PAM: variants seen among roughly 807,000 people sequenced by gnomAD.
PAM encodes the protein peptidyl-glycine alpha-amidating monooxygenase.
Under a neutral mutation model 122.1 loss-of-function variants are expected in PAM, and 72 were observed. The ratio of observed to expected loss-of-function variants is 0.59; its 90% CI spans 0.49 to 0.72. The LOEUF is 0.72. Ranked by LOEUF, PAM falls within the 30% of genes least tolerant of loss-of-function variation. The pLI is 0.00. For missense variants in PAM, 1,106 were observed against 1,183.7 expected (o/e 0.93, Z 0.96); for synonymous variants, 389 against 404.4 (o/e 0.96, Z 0.46).
At chr5:102,895,413 A>T (rs1429902279) in intron 3 of PAM, among the ~76,000 whole-genome samples, 1 of 151,798 alleles carries the variant, frequency 6.6e-6, no homozygotes, top group Admixed American at 6.6e-5. Context: ...AATGTAGAAC[A>T]GTGTCTGGTT....
At chr5:103,017,498 A>G in intron 22 of PAM, 65 bp downstream of exon 22, 1 of 957,874 alleles carries the variant, frequency 1.0e-6, no homozygotes, top group South Asian at 1.4e-5. Flanking sequence ...AGCATATGAA[A>G]CAAAAACATT....
At chr5:102,799,075 A>T (rs1330766619) in intron 1 of PAM, among the ~76,000 whole-genome samples, 2 of 152,220 alleles carry the variant, frequency 1.3e-5, no homozygotes, top group African/African-American at 4.8e-5. Context: ...TAGGTAAGAA[A>T]CCATCAACTG....
chr5:103,023,404 CTG>C (rs952543939), intron 23 of PAM, among the ~76,000 whole-genome samples: 1 of 151,358 alleles, frequency 6.6e-6, no homozygotes, highest in Non-Finnish European at 1.5e-5. Flanking sequence ...CATCTTTGGC[CTG>C]TGTTTTTTAC....
In PAM at chr5:102,942,657, A is replaced by G. The variant is rs545286812; in HGVS notation, c.527-4180A>G. ...AAGTGCCGTGGTGTGATCATGGCTT[A>G]CTGCAGCCTCGACCTCCCAGGCACA... On this transcript the variant is annotated intron_variant, in intron 7 of 25. Transcript: ENST00000438793. 3.3e-5 allele frequency among the ~76,000 whole-genome samples: 5 copies of G among 150,720 alleles called. No individual in the cohort carries two copies. The South Asian group carries it at 1.0e-3, about 32-fold the overall frequency.
chr5:103,027,776 A>G, intron 24 of PAM, among the ~76,000 whole-genome samples: 1 of 152,326 alleles, frequency 6.6e-6, no homozygotes, highest in Non-Finnish European at 1.5e-5. Context: ...AATTTTATAA[A>G]TTATTAATAA....
chr5:102,998,439 G>GT (rs1454350328), intron 16 of PAM, among the ~76,000 whole-genome samples: 1 of 152,184 alleles, frequency 6.6e-6, no homozygotes, highest in East Asian at 1.9e-4. Context: ...ATTATTAGCT[G>GT]TCAGTGGTGA....
intron 15 of PAM, among the ~76,000 whole-genome samples, chr5:102,978,187 C>G (rs1318415274): frequency 6.6e-6 from 1 of 152,018 alleles, no homozygotes; most frequent in African/African-American, 2.4e-5. Flanking sequence ...ATTTGGCACT[C>G]TAAGTTGATA....
chr5:102,814,848 A>C (rs543472883), intron 1 of PAM, among the ~76,000 whole-genome samples: 1 of 151,910 alleles, frequency 6.6e-6, no homozygotes, highest in East Asian at 1.9e-4. Flanking sequence ...AACCCCCATC[A>C]CACTTGCCTG....
Position 102,926,072 on chromosome 5 carries a change from G to A in PAM, c.443-513G>A, listed in dbSNP as rs563284932. On this transcript the variant is annotated intron_variant, in intron 6 of 25. Transcript: ENST00000438793. ...ATATGAATATATACAAAACAAAATG[G>A]GAGAATGGGTTTATGTATGTCTTTT... Among the ~76,000 whole-genome samples the A allele has an allele frequency of 3.2e-4, 49 of 152,040 alleles. No individual in the cohort carries two copies. In the South Asian group the frequency reaches 0.01, roughly 32 times the overall value.
chr5:102,920,314 C>G (rs572931437), intron 5 of PAM, among the ~76,000 whole-genome samples: 2 of 152,106 alleles, frequency 1.3e-5, no homozygotes, highest in South Asian at 4.2e-4. Context: ...TAATCATTCA[C>G]TATGTGCCAA....
chr5:102,880,015 T>G (rs1463222152), intron 3 of PAM, among the ~76,000 whole-genome samples: 1 of 152,204 alleles, frequency 6.6e-6, no homozygotes, highest in African/African-American at 2.4e-5. Flanking sequence ...GTGCCGTGGC[T>G]CACGTCTGTA....
intron 16 of PAM, among the ~76,000 whole-genome samples, chr5:102,996,812 A>G (rs923461327): frequency 3.9e-5 from 6 of 152,198 alleles, no homozygotes; most frequent in Non-Finnish European, 8.8e-5. Flanking sequence ...ATTCTTCCTA[A>G]GAATTCTGGG....
intron 2 of PAM, chr5:102,866,751 T>C (rs1785704958): frequency 6.5e-6 from 1 of 153,952 alleles, no homozygotes; most frequent in African/African-American, 2.4e-5. Flanking sequence ...TCGCAGTCTT[T>C]TATTTCTTCC....
At chr5:102,890,381 A>G (rs1256666119) in intron 3 of PAM, among the ~76,000 whole-genome samples, 2 of 152,046 alleles carry the variant, frequency 1.3e-5, no homozygotes, top group Non-Finnish European at 2.9e-5. Flanking sequence ...ATAAATGATC[A>G]TCATTGCCGT....
At chr5:102,975,654 T>C (rs150906851) in intron 15 of PAM, among the ~76,000 whole-genome samples, 1 of 152,330 alleles carries the variant, frequency 6.6e-6, no homozygotes, top group African/African-American at 2.4e-5. Context: ...GTATGATGCC[T>C]AGAAATTTGC....
At chr5:102,980,913 T>G (rs1562120488) in intron 15 of PAM, among the ~76,000 whole-genome samples, 1 of 152,204 alleles carries the variant, frequency 6.6e-6, no homozygotes, top group Non-Finnish European at 1.5e-5. Context: ...AGAACCAGGT[T>G]GCTCATGGTG....
At chr5:102,947,744 GA>G (rs1757495745) in intron 8 of PAM, among the ~76,000 whole-genome samples, 2 of 152,216 alleles carry the variant, frequency 1.3e-5, no homozygotes, top group Admixed American at 1.3e-4. Flanking sequence ...AAGGGCAGGG[GA>G]TTAGACCAGG....
chr5:102,768,390 A>G (rs922865822), intron 1 of PAM, among the ~76,000 whole-genome samples: 1 of 152,080 alleles, frequency 6.6e-6, no homozygotes, highest in African/African-American at 2.4e-5. Context: ...GTATAATTAT[A>G]TTCTCATTGA....
chr5:102,987,661 A>G, intron 15 of PAM: 1 of 368,324 alleles, frequency 2.7e-6, no homozygotes, highest in Non-Finnish European at 5.3e-6. Flanking sequence ...TTTCGTACCA[A>G]TAAAACATGT....
Sources: allele counts gnomAD v4.1 joint callset (sites outside exome capture counted in the v4.1 genomes callset), GRCh38; gene constraint gnomAD v4.1.1; transcripts MANE v1.5; gene names NCBI Gene and HGNC (gene_info 2026-07-23, HGNC 2026-07-21).